Variants in GPC6 observed in about 807,000 individuals in gnomAD.
GPC6 encodes the protein glypican 6.
GPC6 carries 14 observed loss-of-function variants against 55.2 expected under a neutral mutation model. The observed-to-expected ratio is 0.25, with a 90% CI of 0.17 to 0.40. GPC6 has a LOEUF of 0.40. Among genes scored for constraint, GPC6 ranks in the 10% least tolerant of loss-of-function variants. The probability of loss-of-function intolerance (pLI) is 1.00; values close to 1 mark genes in which losing one functional copy is unlikely to be tolerated. For missense variants in GPC6, 641 were observed against 708.5 expected, an observed-to-expected ratio of 0.90 and a Z score of 1.08; for synonymous variants, 278 against 259.6, an observed-to-expected ratio of 1.07 and a Z score of -0.68.
At chr13:93,881,093 A>G (rs1874939560) in intron 3 of GPC6, among the ~76,000 whole-genome samples, 2 of 152,126 alleles carry the variant, frequency 1.3e-5, no homozygotes, top group South Asian at 4.1e-4. Context: ...TCCTGGAACA[A>G]TCTTTTGGAT....
At position 94,203,757 on chromosome 13, in the gene GPC6, C is replaced by T. The variant is rs201373794; in HGVS notation, c.878-82592C>T. Among the ~76,000 whole-genome samples the T allele has an allele frequency of 2.6e-4, 39 of 152,178 alleles. 1 individual carries two copies. In the East Asian group the frequency reaches 2.7e-3, roughly 11 times the overall value. On this transcript the variant is annotated intron_variant, in intron 4 of 8. Transcript: ENST00000377047. ...ATTCTCAACTACTATTAAATCTGTA[C>T]GTTTCTTCTCTGCTATCTTCTCCAT...
At chr13:93,937,220 A>G (rs549955346) in intron 3 of GPC6, among the ~76,000 whole-genome samples, 2 of 152,376 alleles carry the variant, frequency 1.3e-5, no homozygotes, top group South Asian at 4.1e-4. Flanking sequence ...AAACTGTTGT[A>G]CACTTCATAT....
rs1877990179 is a variant in GPC6, at chr13:93,446,204, A to C, written c.161-99059A>C. ...GTAAGAGTATAGGGATGTTGTAGCTAGTTTGGAATGCATTCCATCCTAGCT... is the reference window on the plus strand; with the variant it reads ...GTAAGAGTATAGGGATGTTGTAGCTCGTTTGGAATGCATTCCATCCTAGCT... On this transcript the variant is annotated intron_variant, in intron 1 of 8. Transcript: ENST00000377047. 2.6e-5 allele frequency among the ~76,000 whole-genome samples: 4 copies of C among 152,178 alleles called. No homozygotes were observed. The South Asian group carries it at 8.3e-4, about 31-fold the overall frequency.
At chr13:93,521,611 T>C (rs924106528) in intron 1 of GPC6, among the ~76,000 whole-genome samples, 7 of 151,956 alleles carry the variant, frequency 4.6e-5, no homozygotes, top group Admixed American at 4.6e-4. Context: ...TGGGCTTCCA[T>C]GGCTCTTCAT....
At chr13:93,349,572 T>C (rs920029452) in intron 1 of GPC6, among the ~76,000 whole-genome samples, 1 of 152,184 alleles carries the variant, frequency 6.6e-6, no homozygotes, top group Non-Finnish European at 1.5e-5. Flanking sequence ...ATACCAAAGT[T>C]TAAAACTTTT....
chr13:93,868,188 T>G (rs1215694803), intron 3 of GPC6, among the ~76,000 whole-genome samples: 1 of 151,758 alleles, frequency 6.6e-6, no homozygotes, highest in East Asian at 2.0e-4. Context: ...CCGCTTGTCA[T>G]ATTCATAAAC....
chr13:93,890,889 G>A (rs1446538821), intron 3 of GPC6, among the ~76,000 whole-genome samples: 5 of 151,348 alleles, frequency 3.3e-5, no homozygotes, highest in African/African-American at 9.7e-5. Context: ...TATATAACCA[G>A]AAAAAATAAA....
intron 2 of GPC6, among the ~76,000 whole-genome samples, chr13:93,717,550 G>T (rs971388950): frequency 2.0e-5 from 3 of 151,474 alleles, no homozygotes; most frequent in African/African-American, 7.3e-5. Context: ...ATAATTCCTG[G>T]CATCTCTTTT....
At chr13:93,318,069 G>A (rs1879304640) in intron 1 of GPC6, among the ~76,000 whole-genome samples, 1 of 152,168 alleles carries the variant, frequency 6.6e-6, no homozygotes, top group African/African-American at 2.4e-5. Context: ...ACTAGCCAGA[G>A]AATTTCTGAT....
chr13:93,671,981 C>T (rs1264712921), intron 2 of GPC6, among the ~76,000 whole-genome samples: 1 of 152,060 alleles, frequency 6.6e-6, no homozygotes, highest in African/African-American at 2.4e-5. Context: ...CAAGATGACA[C>T]TATGATTAGT....
intron 4 of GPC6, among the ~76,000 whole-genome samples, chr13:94,036,673 A>G (rs551289955): frequency 1.1e-3 from 164 of 152,112 alleles, no homozygotes; most frequent in Non-Finnish European, 1.3e-3. Context: ...ATGGCTACCC[A>G]TTTGGTCGCA....
intron 1 of GPC6, among the ~76,000 whole-genome samples, chr13:93,448,951 T>A (rs543840691): frequency 7.0e-4 from 107 of 152,312 alleles, no homozygotes; most frequent in African/African-American, 2.5e-3. Flanking sequence ...AGTGAACATT[T>A]ATTGATTGTC....
In GPC6 at chr13:93,245,189, T is replaced by C. The variant is rs369656610; in HGVS notation, c.160+17573T>C. 1.2e-4 allele frequency among the ~76,000 whole-genome samples: 19 copies of C among 152,314 alleles called. No homozygotes were observed. In the East Asian group the frequency reaches 2.7e-3, roughly 22 times the overall value. The stretch of plus-strand genomic sequence containing the variant: ...ATGAACAATTTCAAGCTACCAACAG[T>C]TTAACAGCCAGTTCACAAAATTCCT... On this transcript the variant is annotated intron_variant, in intron 1 of 8. Transcript: ENST00000377047.
At chr13:94,211,770 G>A (rs1273215510) in intron 4 of GPC6, among the ~76,000 whole-genome samples, 1 of 152,168 alleles carries the variant, frequency 6.6e-6, no homozygotes, top group African/African-American at 2.4e-5. Flanking sequence ...CATTCTCATG[G>A]CCCTATTATA....
intron 1 of GPC6, among the ~76,000 whole-genome samples, chr13:93,479,680 T>G (rs1003229454): frequency 6.6e-6 from 1 of 151,914 alleles, no homozygotes; most frequent in Admixed American, 6.5e-5. Flanking sequence ...GTTAGAAGAT[T>G]TAATTCAGCA....
chr13:94,334,177 T>A (rs1877563503), intron 6 of GPC6, among the ~76,000 whole-genome samples: 1 of 152,252 alleles, frequency 6.6e-6, no homozygotes, highest in South Asian at 2.1e-4. Context: ...CCCAGTGGTC[T>A]CTGTCACAGC....
At chr13:93,535,821 C>G (rs966222996) in intron 1 of GPC6, among the ~76,000 whole-genome samples, 2 of 151,906 alleles carry the variant, frequency 1.3e-5, no homozygotes, top group African/African-American at 4.8e-5. Context: ...TTCAGTTATC[C>G]CACAGCCTTC....
intron 4 of GPC6, among the ~76,000 whole-genome samples, chr13:94,234,742 C>A (rs187458140): frequency 3.3e-5 from 5 of 152,186 alleles, no homozygotes; most frequent in African/African-American, 1.2e-4. Context: ...AACAGGCTAT[C>A]AACCAGACGC....
At chr13:94,047,939 A>G (rs1378212189) in intron 4 of GPC6, among the ~76,000 whole-genome samples, 3 of 152,122 alleles carry the variant, frequency 2.0e-5, no homozygotes, top group Non-Finnish European at 4.4e-5. Flanking sequence ...TTTCTGAAAT[A>G]GACATTTATT....
Sources: gnomAD v4.1 joint callset for allele counts (sites outside exome capture counted in the v4.1 genomes callset) on GRCh38, gnomAD v4.1.1 for gene constraint, MANE v1.5 for transcripts, NCBI Gene and HGNC (gene_info 2026-07-23, HGNC 2026-07-21) for gene names.